UVRAG: variants seen among roughly 807,000 people sequenced by gnomAD.
The protein encoded by UVRAG is UV radiation resistance associated.
Under a neutral mutation model 78.0 loss-of-function variants are expected in UVRAG, and 19 were observed. The observed-to-expected ratio is 0.24, with a 90% CI of 0.17 to 0.36. The LOEUF (loss-of-function observed/expected upper bound fraction) is 0.36. Ranked by LOEUF, UVRAG falls within the 10% of genes least tolerant of loss-of-function variation. The probability of loss-of-function intolerance (pLI) is 1.00; values close to 1 mark genes in which losing one functional copy is unlikely to be tolerated. For synonymous variants in UVRAG, 323 were observed against 324.6 expected (o/e 1.00, Z 0.05); for missense variants, 740 against 853.8 (o/e 0.87, Z 1.66).
At chr11:75,934,575 T>C (rs1336847699) in intron 6 of UVRAG, among the ~76,000 whole-genome samples, 1 of 152,190 alleles carries the variant, frequency 6.6e-6, no homozygotes, top group Non-Finnish European at 1.5e-5. Context: ...GTAATTATTA[T>C]TACTTATTGT....
At chr11:76,061,711 A>G (rs1951098769) in intron 12 of UVRAG, among the ~76,000 whole-genome samples, 1 of 151,868 alleles carries the variant, frequency 6.6e-6, no homozygotes, top group African/African-American at 2.4e-5. Context: ...TCCGAACATC[A>G]GAAGGAACAA....
At chr11:76,110,665 A>G (rs1435429352) in intron 13 of UVRAG, among the ~76,000 whole-genome samples, 1 of 152,154 alleles carries the variant, frequency 6.6e-6, no homozygotes, top group African/African-American at 2.4e-5. Context: ...CTTCCAGTGG[A>G]AAATGGAACT....
intron 3 of UVRAG, among the ~76,000 whole-genome samples, chr11:75,877,038 G>T (rs368038522): frequency 1.2e-4 from 18 of 151,016 alleles, no homozygotes; most frequent in African/African-American, 4.4e-4. Flanking sequence ...AGATTAGGGA[G>T]TGGTGATGAC....
At chr11:75,892,951 A>G (rs1171202399) in intron 5 of UVRAG, among the ~76,000 whole-genome samples, 1 of 152,094 alleles carries the variant, frequency 6.6e-6, no homozygotes, top group East Asian at 1.9e-4. Flanking sequence ...AGGCCGAGGC[A>G]GGTGGATCAC....
intron 7 of UVRAG, among the ~76,000 whole-genome samples, chr11:75,982,030 A>T (rs572438132): frequency 6.6e-6 from 1 of 151,586 alleles, no homozygotes; most frequent in South Asian, 2.1e-4. Flanking sequence ...CTATCATGTC[A>T]GTATTGGCAT....
chr11:76,113,467 A>G (rs1454380350), intron 13 of UVRAG, among the ~76,000 whole-genome samples: 2 of 152,202 alleles, frequency 1.3e-5, no homozygotes, highest in South Asian at 2.1e-4. Flanking sequence ...ATTCAGAAAT[A>G]TGAGGTAAAG....
intron 13 of UVRAG, among the ~76,000 whole-genome samples, chr11:76,108,502 A>G (rs1265174416): frequency 6.6e-6 from 1 of 152,186 alleles, no homozygotes; most frequent in Non-Finnish European, 1.5e-5. Flanking sequence ...GTTAATTCCA[A>G]CTGCAAGAGC....
At chr11:76,096,453 A>G (rs1951786739) in intron 13 of UVRAG, among the ~76,000 whole-genome samples, 1 of 152,248 alleles carries the variant, frequency 6.6e-6, no homozygotes, top group Admixed American at 6.5e-5. Flanking sequence ...CCAACTTAAT[A>G]CAAATAGCTA....
intron 1 of UVRAG, among the ~76,000 whole-genome samples, chr11:75,822,326 T>C (rs1945412095): frequency 6.6e-6 from 1 of 152,216 alleles, no homozygotes; most frequent in African/African-American, 2.4e-5. Context: ...TGTTTTCTCC[T>C]ATTACACTGT....
chr11:76,039,381 A>T (rs528417772), intron 12 of UVRAG, among the ~76,000 whole-genome samples: 11 of 152,392 alleles, frequency 7.2e-5, no homozygotes, highest in African/African-American at 2.6e-4. Flanking sequence ...TAGACTTAAT[A>T]GTGAAACTTT....
intron 12 of UVRAG, among the ~76,000 whole-genome samples, chr11:76,054,437 C>T (rs1162586047): frequency 6.6e-6 from 1 of 152,164 alleles, no homozygotes; most frequent in Non-Finnish European, 1.5e-5. Flanking sequence ...GCCATTAAAC[C>T]CTCCAGTGCT....
At position 75,937,098 on chromosome 11, in the gene UVRAG, G is replaced by T. The variant is rs193123550; in HGVS notation, c.594-24346G>T. On this transcript the variant is annotated intron_variant, in intron 6 of 14. Transcript: ENST00000356136. ...TAAGAAAAGTTTTTAGGCTGGGCGC[G>T]GTGGCTCACGCCTGTAATCCCAGCA... Among the ~76,000 whole-genome samples the T allele has an allele frequency of 9.2e-5, 14 of 152,288 alleles. No individual in the cohort carries two copies. The East Asian group carries it at 2.7e-3, about 29-fold the overall frequency.
At chr11:75,877,511 GA>G (rs759664972) in intron 3 of UVRAG, among the ~76,000 whole-genome samples, 1 of 131,876 alleles carries the variant, frequency 7.6e-6, no homozygotes, top group African/African-American at 3.0e-5. Flanking sequence ...GGCGGGGGGT[GA>G]CCCCCCCCAC....
chr11:76,126,904 T>G (rs1952408954), intron 14 of UVRAG, among the ~76,000 whole-genome samples: 1 of 150,766 alleles, frequency 6.6e-6, no homozygotes. Context: ...TGCCCTTCCC[T>G]TCATTTCTTG....
intron 12 of UVRAG, among the ~76,000 whole-genome samples, chr11:76,024,963 C>G (rs1362328113): frequency 2.0e-5 from 3 of 152,220 alleles, no homozygotes; most frequent in Middle Eastern, 3.4e-3. Context: ...TTCAGCCTCT[C>G]CCCTCTCTGA....
chr11:75,911,772 C>T (rs1005086628), intron 5 of UVRAG, 182 bp from the exon 6 acceptor site: 1 of 459,984 alleles, frequency 2.2e-6, no homozygotes, highest in South Asian at 3.4e-5. Context: ...ATTTTACATT[C>T]CCTCACCTGA....
At position 75,873,699 on chromosome 11, in the gene UVRAG, CTCTT is replaced by C. The variant is rs1032520728; in HGVS notation, c.271-6176_271-6173del. The stretch of plus-strand genomic sequence containing the variant: ...AAGCTAGAGGAAGCCCTCATTTTGT[CTCTT>C]TCTATGTTGTACGCAGCTTGCTTGT... On this transcript the variant is annotated intron_variant, in intron 3 of 14. Coordinates refer to ENST00000356136, the MANE Select transcript of UVRAG (RefSeq NM_003369.4). 9.2e-5 allele frequency among the ~76,000 whole-genome samples: 14 copies of C among 152,278 alleles called. No homozygotes were observed. The South Asian group carries it at 2.1e-3, about 23-fold the overall frequency.
chr11:76,096,100 G>C (rs1951781589), intron 13 of UVRAG, among the ~76,000 whole-genome samples: 3 of 152,164 alleles, frequency 2.0e-5, no homozygotes. Context: ...GCAGGCCCCA[G>C]TCAGAACCAT....
At chr11:75,922,360 A>C (rs1296874816) in intron 6 of UVRAG, among the ~76,000 whole-genome samples, 1 of 150,906 alleles carries the variant, frequency 6.6e-6, no homozygotes, top group Non-Finnish European at 1.5e-5. Context: ...ATTATAAGGA[A>C]AAGCTATACT....
Sources: gnomAD v4.1 joint callset for allele counts (sites outside exome capture counted in the v4.1 genomes callset) on GRCh38, gnomAD v4.1.1 for gene constraint, MANE v1.5 for transcripts, NCBI Gene and HGNC (gene_info 2026-07-23, HGNC 2026-07-21) for gene names.